HSPG2: variants seen among roughly 807,000 people sequenced by gnomAD.
HSPG2 encodes the protein heparan sulfate proteoglycan 2.
In HSPG2, 278 loss-of-function variants were observed where a neutral mutation model predicts 526.6. The ratio of observed to expected loss-of-function variants is 0.53; its 90% CI spans 0.48 to 0.58. HSPG2 has a LOEUF of 0.58. Ranked by LOEUF, HSPG2 falls within the 20% of genes least tolerant of loss-of-function variation. The pLI is 0.00. For missense variants in HSPG2, 5,354 were observed against 6,099.5 expected (o/e 0.88, Z 4.07); for synonymous variants, 2,465 against 2,555.4 (o/e 0.96, Z 1.07).
chr1:21,874,814 T>A lies in HSPG2; in HGVS notation c.3414+77A>T, dbSNP rs536546013. 1,199 of 1,501,942 alleles carry A rather than the reference T, an allele frequency of 8.0e-4. 2 individuals are homozygous for A. The highest frequency in any genetic ancestry group is 1.0e-3 in the Non-Finnish European group (1,134 of 1,094,894). 93.0% of individuals were successfully genotyped at this position (1,501,942 alleles called of 1,614,324 possible). A position where few individuals can be genotyped will look rare whatever the true frequency, so the allele number is the denominator to read the frequency against. On this transcript the variant is annotated intron_variant, in intron 26 of 96. Transcript: ENST00000374695. ...CACTGGATGGCCAGGGCTGGGGAGG[T>A]GTGGAGGGCTCATGGAGAAGGAGCG...
In HSPG2 at chr1:21,864,178, C is replaced by T. The variant is rs1190920022; in HGVS notation, c.4662G>A (p.Gly1554=). ...CAPGYTRTGS[G]LYLGHCELCE... is the part of the protein sequence containing the mutation. ...ATAGCTCGCAGTGGCCGAGGTAGAG[C>T]CCACTCCCGGTGCGCGTGTAGCCGG... Residue 1554 remains glycine, a synonymous_variant, in exon 37 of 97, where the codon GGG becomes GGA. Coordinates refer to ENST00000374695, the MANE Select transcript of HSPG2 (RefSeq NM_005529.7). The surrounding 1 kb of genome is among the most constrained non-coding windows in gnomAD (Gnocchi z 4.8). The T allele has an allele frequency of 6.4e-7, 1 of 1,554,534 alleles. No homozygotes were observed. The highest frequency in any genetic ancestry group is 8.7e-7 in the Non-Finnish European group (1 of 1,148,952).
chr1:21,864,784 AT>A lies in HSPG2; in HGVS notation c.4626+58del. On this transcript the variant is annotated intron_variant, in intron 36 of 96. Transcript: ENST00000374695. The surrounding 1 kb of genome is among the most constrained non-coding windows in gnomAD (Gnocchi z 4.8). The stretch of plus-strand genomic sequence containing the variant: ...ATCAAGGCTGCGGCGACGCCGGCTG[AT>A]TTGCTTGCTGATGCCTCTGTGCCTG... 7.0e-7 allele frequency: 1 copy of A among 1,438,292 alleles called. No individual in the cohort carries two copies. The highest frequency in any genetic ancestry group is 9.6e-7 in the Non-Finnish European group (1 of 1,038,728). The allele number at this position is 1,438,292 out of a possible 1,614,324, so 89.1% of individuals were successfully genotyped here.
rs1237318406 is a variant in HSPG2 at position 21,828,434 on chromosome 1, G to T, written c.12238-8C>A. On this transcript the variant is annotated splice_region_variant and splice_polypyrimidine_tract_variant and intron_variant, in intron 88 of 96. Coordinates refer to ENST00000374695, the MANE Select transcript of HSPG2 (RefSeq NM_005529.7). The surrounding 1 kb of genome is among the most constrained non-coding windows in gnomAD (Gnocchi z 6.0). ...TTTGCCATTCACTGACACCTGTGGG[G>T]ACAGGGACACCGAGGGACTAAAGGG... 2 of 1,612,774 alleles carry T rather than the reference G, an allele frequency of 1.2e-6. No homozygotes were observed. The highest frequency in any genetic ancestry group is 1.7e-4 in the Middle Eastern group (1 of 6,060).
chr1:21,913,041 C>T (rs1290268012), intron 1 of HSPG2, among the ~76,000 whole-genome samples: 1 of 151,926 alleles, frequency 6.6e-6, no homozygotes, highest in Non-Finnish European at 1.5e-5. Context: ...TTTGGGCAGC[C>T]GTGAGAAGAG....
At chr1:21,926,056 C>T (rs1372915289) in intron 1 of HSPG2, among the ~76,000 whole-genome samples, 3 of 152,044 alleles carry the variant, frequency 2.0e-5, no homozygotes, top group Non-Finnish European at 4.4e-5. Context: ...TCTCGAACTC[C>T]TAGCCTCAAG....
chr1:21,870,081 G>C (rs75793979), intron 33 of HSPG2: 5,783 of 214,898 alleles, frequency 0.027, 115 homozygotes, highest in Non-Finnish European at 0.036. Flanking sequence ...CATCAGGCTG[G>C]GGCCTGGCCT....
At position 21,844,155 on chromosome 1, in the gene HSPG2, C is replaced by T. The variant is rs111846397; in HGVS notation, c.8609G>A (p.Arg2870Gln). 1.5e-4 allele frequency: 242 copies of T among 1,613,060 alleles called. 1 individual carries two copies. The African/African-American group carries it at 2.0e-3, about 13-fold the overall frequency. The change falls in exon 65 of 97, where the codon CGG becomes CAG. Residue 2870 changes from arginine (R) to glutamine (Q), a missense_variant. By Grantham distance (43) the Arg-to-Gln change is conservative. Transcript: ENST00000374695. ...CTTCTCCAGCTCCTTTACCTGGTGCCGGGCAGGGAGGTTTCCTCCACGCTT... is the reference window on the plus strand; with the variant it reads ...CTTCTCCAGCTCCTTTACCTGGTGCTGGGCAGGGAGGTTTCCTCCACGCTT... Reference protein sequence around the residue: ...WHKRGGNLPARHQVHGPLLRL... With the variant: ...WHKRGGNLPAQHQVHGPLLRL...
chr1:21,870,842 C>A, intron 33 of HSPG2: 1 of 986,282 alleles, frequency 1.0e-6, no homozygotes, highest in Non-Finnish European at 1.2e-6. Context: ...ACCTGGTGAG[C>A]CCGGCGCATC....
intron 1 of HSPG2, among the ~76,000 whole-genome samples, chr1:21,901,410 G>A (rs929643094): frequency 5.3e-5 from 8 of 152,104 alleles, no homozygotes; most frequent in Non-Finnish European, 7.4e-5. Flanking sequence ...GTGAGGTGTG[G>A]GCTCAGGCCT....
chr1:21,825,081 TC>T (rs2097966349), intron 91 of HSPG2: 2 of 454,544 alleles, frequency 4.4e-6, no homozygotes, highest in Non-Finnish European at 4.1e-6. Flanking sequence ...TATTTGCTTA[TC>T]ACATGACAGT....
chr1:21,883,330 T>A (rs539945030), intron 13 of HSPG2, among the ~76,000 whole-genome samples: 1 of 152,340 alleles, frequency 6.6e-6, no homozygotes, highest in Admixed American at 6.5e-5. Context: ...TTTTGTTTTG[T>A]TTTTAGGGAT....
At position 21,828,708 on chromosome 1, in the gene HSPG2, G is replaced by A. The variant is rs1321533426; in HGVS notation, c.12237+127C>T. 13 of 1,348,906 alleles carry A rather than the reference G, an allele frequency of 9.6e-6. No individual in the cohort carries two copies. The highest frequency in any genetic ancestry group is 1.3e-5 in the Non-Finnish European group (13 of 974,202). 83.6% of individuals were successfully genotyped at this position (1,348,906 alleles called of 1,614,324 possible). A position where few individuals can be genotyped will look rare whatever the true frequency, so the allele number is the denominator to read the frequency against. On this transcript the variant is annotated intron_variant, in intron 88 of 96. Transcript: ENST00000374695. The surrounding 1 kb of genome is among the most constrained non-coding windows in gnomAD (Gnocchi z 6.0). ...GGAAACTGAGGCTCAGAGGTACAGT[G>A]TCCTGGCCCAGGGCCCGTGGGTGGC...
In HSPG2 at chr1:21,828,521, G is replaced by C; in HGVS notation, c.12238-95C>G. The C allele has an allele frequency of 1.5e-6, 2 of 1,364,754 alleles. No individual in the cohort carries two copies. The highest frequency in any genetic ancestry group is 2.0e-6 in the Non-Finnish European group (2 of 976,448). The allele number at this position is 1,364,754 out of a possible 1,614,324, so 84.5% of individuals were successfully genotyped here. On this transcript the variant is annotated intron_variant, in intron 88 of 96. Transcript: ENST00000374695. The surrounding 1 kb of genome is among the most constrained non-coding windows in gnomAD (Gnocchi z 6.0). ...GAAGAATGCAGCAGAGGGGAGCTGG[G>C]AGCCCACATTGGGCCCTGAGTGGTA...
In HSPG2 at chr1:21,869,966, G is replaced by C. The variant is rs558259264; in HGVS notation, c.4221+2220C>G. ...GAGGCAGCCCCAGGGGCATCTGGAC[G>C]GGGTTGTTGCTCCTCGGCCTGACTC... On this transcript the variant is annotated intron_variant, in intron 33 of 96. Transcript: ENST00000374695. 5.9e-5 allele frequency among the ~76,000 whole-genome samples: 9 copies of C among 152,360 alleles called. No homozygotes were observed. The East Asian group carries it at 1.7e-3, about 29-fold the overall frequency.
In HSPG2 at chr1:21,888,039, T is replaced by A; in HGVS notation, c.602A>T (p.Glu201Val). 6.2e-7 allele frequency: 1 copy of A among 1,614,136 alleles called. No homozygotes were observed. The highest frequency in any genetic ancestry group is 1.1e-5 in the South Asian group (1 of 91,076). ...GTAGCTGTGGCAGGCAAACTCGGCC[T>A]CCGTGCAGGCTCTTGGGAACTGGGG... ...TVPQFPRACTEAEFACHSYNE... is the reference protein window; with the variant it reads ...TVPQFPRACTVAEFACHSYNE... Residue 201 changes from glutamate (E) to valine (V), a missense_variant, in exon 7 of 97, where the codon GAG (glutamate) becomes GTG (valine). Glu to Val is a moderately radical substitution (Grantham distance 121, BLOSUM62 -2). Coordinates refer to ENST00000374695, the MANE Select transcript of HSPG2 (RefSeq NM_005529.7).
At chr1:21,849,899 C>G in intron 57 of HSPG2, 142 bp downstream of exon 57, 1 of 1,046,000 alleles carries the variant, frequency 9.6e-7, no homozygotes, top group East Asian at 2.4e-5. Context: ...AGGCTGGTCT[C>G]AAACTCCTGA....
intron 91 of HSPG2, among the ~76,000 whole-genome samples, chr1:21,825,643 A>C (rs920637628): frequency 6.6e-6 from 1 of 152,172 alleles, no homozygotes; most frequent in African/African-American, 2.4e-5. Flanking sequence ...CCTCCACCAA[A>C]TGATGAGGAG....
At chr1:21,885,889 G>A (rs1358462087) in intron 9 of HSPG2, among the ~76,000 whole-genome samples, 1 of 152,230 alleles carries the variant, frequency 6.6e-6, no homozygotes, top group African/African-American at 2.4e-5. Flanking sequence ...GGGCTCGACG[G>A]TCTGTGCTCC....
intron 20 of HSPG2, 66 bp downstream of exon 20, chr1:21,878,367 T>C: frequency 6.4e-7 from 1 of 1,563,174 alleles, no homozygotes; most frequent in East Asian, 2.3e-5. Flanking sequence ...GGAGGGAGGG[T>C]GCCTGGTGTG....
Sources: gnomAD v4.1 joint callset for allele counts (sites outside exome capture counted in the v4.1 genomes callset) on GRCh38, gnomAD v4.1.1 for gene constraint, Gnocchi (gnomAD v3.1) non-coding constraint, MANE v1.5 for transcripts, NCBI Gene and HGNC (gene_info 2026-07-23, HGNC 2026-07-21) for gene names.